The following EXOC6 variants were observed in gnomAD, a reference collection of about 807,000 sequenced individuals.
EXOC6 encodes the protein exocyst complex component 6, also known as SEC15-like 1.
Under a neutral mutation model 112.5 loss-of-function variants are expected in EXOC6, and 60 were observed. The observed-to-expected ratio is 0.53, with a 90% CI of 0.43 to 0.66. The LOEUF (loss-of-function observed/expected upper bound fraction) is 0.66. Ranked by LOEUF, EXOC6 falls within the 30% of genes least tolerant of loss-of-function variation. The pLI, the probability that EXOC6 is intolerant of heterozygous loss-of-function variation, is 0.00. For synonymous variants in EXOC6, 295 were observed against 308.0 expected (o/e 0.96, Z 0.44); for missense variants, 855 against 957.1 (o/e 0.89, Z 1.41).
chr10:93,018,966 T>C (rs1269524927), intron 20 of EXOC6, among the ~76,000 whole-genome samples: 2 of 151,986 alleles, frequency 1.3e-5, no homozygotes, highest in African/African-American at 4.8e-5. Flanking sequence ...AGGACTCTAA[T>C]TAAAAAGCTG....
At chr10:92,855,558 G>A (rs1847559881) in intron 1 of EXOC6, among the ~76,000 whole-genome samples, 1 of 151,960 alleles carries the variant, frequency 6.6e-6, no homozygotes, top group Non-Finnish European at 1.5e-5. Context: ...GGAAGTTTTC[G>A]ATTACTGATT....
Position 92,928,392 on chromosome 10 carries a change from A to G in EXOC6, c.942A>G (p.Ala314=), listed in dbSNP as rs759888249. 15 of 1,610,298 alleles carry G rather than the reference A, an allele frequency of 9.3e-6. No individual in the cohort carries two copies. The highest frequency in any genetic ancestry group is 1.2e-5 in the Non-Finnish European group (14 of 1,177,966). ...NYYRKQRKKQ[A]RLVLQPQSNM... ...ATCGAAAACAAAGAAAGAAACAAGC[A>G]AGACTGGTATTGCAACCCCAGTCGA... The change falls in exon 9 of 22, where the codon GCA becomes GCG. Residue 314 remains alanine, a synonymous_variant. Coordinates refer to ENST00000260762, the MANE Select transcript of EXOC6 (RefSeq NM_019053.6).
intron 20 of EXOC6, among the ~76,000 whole-genome samples, chr10:93,051,243 G>C (rs1846280412): frequency 6.6e-6 from 1 of 151,294 alleles, no homozygotes; most frequent in South Asian, 2.1e-4. Flanking sequence ...TTCTACATTT[G>C]CATGTACAGT....
At chr10:92,848,656 G>C in intron 1 of EXOC6, 22 bp downstream of exon 1, 1 of 1,343,588 alleles carries the variant, frequency 7.4e-7, no homozygotes, top group Non-Finnish European at 9.8e-7. Context: ...ATCCCACCGG[G>C]ACTTCGGCCC....
chr10:93,056,832 C>T, intron 20 of EXOC6, 92 bp from the exon 21 acceptor site: 2 of 694,206 alleles, frequency 2.9e-6, no homozygotes, highest in Non-Finnish European at 5.0e-6. Context: ...AGAAGCAAGC[C>T]ATATTAAAAT....
intron 14 of EXOC6, among the ~76,000 whole-genome samples, chr10:92,950,402 TAAG>T (rs1218167359): frequency 6.6e-6 from 1 of 152,168 alleles, no homozygotes; most frequent in Non-Finnish European, 1.5e-5. Context: ...TTGGCCAAAA[TAAG>T]AACATATTTA....
At chr10:93,000,728 TAC>T (rs1843722302) in intron 19 of EXOC6, among the ~76,000 whole-genome samples, 1 of 152,202 alleles carries the variant, frequency 6.6e-6, no homozygotes, top group Non-Finnish European at 1.5e-5. Context: ...ATGCATTTAC[TAC>T]TGATGGGACA....
intron 1 of EXOC6, among the ~76,000 whole-genome samples, chr10:92,868,475 A>G (rs1172395533): frequency 6.6e-6 from 1 of 152,044 alleles, no homozygotes; most frequent in Non-Finnish European, 1.5e-5. Context: ...CGTTGTTTTA[A>G]TATCTGGTAG....
At chr10:92,998,313 G>A (rs999004547) in intron 19 of EXOC6, among the ~76,000 whole-genome samples, 3 of 152,226 alleles carry the variant, frequency 2.0e-5, no homozygotes, top group Admixed American at 2.0e-4. Flanking sequence ...GTGGTACACT[G>A]ATTAAACAAT....
chr10:93,009,061 TA>T (rs1844124266), intron 19 of EXOC6, among the ~76,000 whole-genome samples: 1 of 150,860 alleles, frequency 6.6e-6, no homozygotes, highest in African/African-American at 2.4e-5. Context: ...CTACAGAAAA[TA>T]AAAAAAATAA....
chr10:92,963,827 G>C (rs1854153021), intron 17 of EXOC6, among the ~76,000 whole-genome samples: 1 of 151,976 alleles, frequency 6.6e-6, no homozygotes, highest in South Asian at 2.1e-4. Flanking sequence ...AGAACTTTAT[G>C]ATACTTCAGT....
At chr10:92,894,165 C>T (rs1205328637) in intron 2 of EXOC6, among the ~76,000 whole-genome samples, 1 of 152,164 alleles carries the variant, frequency 6.6e-6, no homozygotes, top group South Asian at 2.1e-4. Flanking sequence ...ATTCAGATAA[C>T]AAGAGACTAA....
chr10:92,859,396 G>A (rs112378293), intron 1 of EXOC6, among the ~76,000 whole-genome samples: 1,721 of 152,242 alleles, frequency 0.011, 19 homozygotes, highest in Non-Finnish European at 0.017. Flanking sequence ...TTTTCCTGAC[G>A]TCTCTGTTAA....
chr10:92,928,495 G>A, intron 9 of EXOC6, 73 bp downstream of exon 9: 2 of 875,600 alleles, frequency 2.3e-6, no homozygotes, highest in Non-Finnish European at 1.8e-6. Flanking sequence ...TTTCTTCAAA[G>A]CATGTATCAC....
intron 5 of EXOC6, among the ~76,000 whole-genome samples, chr10:92,907,422 T>C (rs1015411172): frequency 6.6e-6 from 1 of 152,218 alleles, no homozygotes; most frequent in Non-Finnish European, 1.5e-5. Context: ...GTAAGTCTTA[T>C]GACCTCTCTT....
At chr10:93,048,793 GC>G (rs1196149002) in intron 20 of EXOC6, among the ~76,000 whole-genome samples, 3 of 146,678 alleles carry the variant, frequency 2.0e-5, no homozygotes, top group Non-Finnish European at 4.5e-5. Flanking sequence ...ACATCTTTTT[GC>G]ATTCATAAAA....
chr10:92,957,055 T>C (rs551038680), intron 17 of EXOC6, among the ~76,000 whole-genome samples: 2 of 152,232 alleles, frequency 1.3e-5, no homozygotes, highest in South Asian at 2.1e-4. Context: ...CTTAACAATA[T>C]GGTATAATAA....
At chr10:92,854,449 A>T (rs1024180778) in intron 1 of EXOC6, among the ~76,000 whole-genome samples, 1 of 152,062 alleles carries the variant, frequency 6.6e-6, no homozygotes, top group Non-Finnish European at 1.5e-5. Flanking sequence ...AAAAAAAAAA[A>T]GACTGACTAT....
At chr10:92,997,338 C>A in intron 18 of EXOC6, 136 bp from the exon 19 acceptor site, 1 of 657,516 alleles carries the variant, frequency 1.5e-6, no homozygotes, top group Non-Finnish European at 2.4e-6. Context: ...AATACAGAAA[C>A]AGGAAGGAAA....
Sources: gnomAD v4.1 joint callset for allele counts (sites outside exome capture counted in the v4.1 genomes callset) on GRCh38, gnomAD v4.1.1 for gene constraint, MANE v1.5 for transcripts, NCBI Gene and HGNC (gene_info 2026-07-23, HGNC 2026-07-21) for gene names.